The following DOCK1 variants were observed in gnomAD, a reference collection of about 807,000 sequenced individuals.
DOCK1 encodes dedicator of cytokinesis 1, also known as dedicator of cytokinesis protein 1.
A neutral mutation model predicts 262.7 loss-of-function variants in DOCK1; 138 were observed. The observed-to-expected ratio is 0.53, with a 90% CI of 0.46 to 0.61. The LOEUF is 0.61. Among genes scored for constraint, DOCK1 ranks in the 20% least tolerant of loss-of-function variants. The pLI, the probability that DOCK1 is intolerant of heterozygous loss-of-function variation, is 0.00. For synonymous variants in DOCK1, 866 were observed against 867.4 expected (o/e 1.00, Z 0.03); for missense variants, 1,908 against 2,370.7 (o/e 0.80, Z 4.05).
intron 1 of DOCK1, among the ~76,000 whole-genome samples, chr10:126,948,978 G>T (rs912589956): frequency 2.6e-5 from 4 of 152,082 alleles, no homozygotes; most frequent in African/African-American, 9.7e-5. Context: ...CAGTGGCCCG[G>T]GCCCACCCCC....
intron 1 of DOCK1, among the ~76,000 whole-genome samples, chr10:126,953,059 GGTA>G (rs1384859738): frequency 2.0e-5 from 3 of 151,604 alleles, no homozygotes; most frequent in Non-Finnish European, 2.9e-5. Flanking sequence ...TGGTAGTGGT[GGTA>G]GTATTTTTGG....
At chr10:127,326,055 A>G (rs1032963560) in intron 29 of DOCK1, among the ~76,000 whole-genome samples, 3 of 152,234 alleles carry the variant, frequency 2.0e-5, no homozygotes, top group Admixed American at 6.5e-5. Context: ...TTGTTAAACA[A>G]TGCTAACAAT....
chr10:127,080,309 TGG>T (rs1298160053), intron 23 of DOCK1, among the ~76,000 whole-genome samples: 1 of 152,140 alleles, frequency 6.6e-6, no homozygotes, highest in Non-Finnish European at 1.5e-5. Flanking sequence ...CATGCTAAGC[TGG>T]GTTGATAATT....
chr10:127,399,915 G>A (rs909695837), intron 38 of DOCK1, among the ~76,000 whole-genome samples: 1 of 152,148 alleles, frequency 6.6e-6, no homozygotes, highest in Non-Finnish European at 1.5e-5. Context: ...GAGGACATAC[G>A]AAAGACTTAG....
At chr10:126,925,564 A>T (rs1347203651) in intron 1 of DOCK1, among the ~76,000 whole-genome samples, 1 of 151,826 alleles carries the variant, frequency 6.6e-6, no homozygotes, top group Non-Finnish European at 1.5e-5. Context: ...TTGTGTTTTT[A>T]ATAGAGACGG....
At chr10:127,076,545 G>A (rs1021800415) in intron 23 of DOCK1, among the ~76,000 whole-genome samples, 2 of 152,172 alleles carry the variant, frequency 1.3e-5, no homozygotes, top group Non-Finnish European at 2.9e-5. Context: ...GGGTCGTGGC[G>A]TAAACCTTGG....
intron 23 of DOCK1, among the ~76,000 whole-genome samples, chr10:127,096,638 C>A (rs769013909): frequency 2.6e-4 from 39 of 151,720 alleles, no homozygotes; most frequent in Non-Finnish European, 4.9e-4. Context: ...GAACTTTATT[C>A]TAAAATAGCA....
At chr10:127,036,911 A>G (rs1336774137) in intron 18 of DOCK1, among the ~76,000 whole-genome samples, 2 of 145,192 alleles carry the variant, frequency 1.4e-5, no homozygotes, top group Non-Finnish European at 3.0e-5. Context: ...CAGGAGGCGG[A>G]GGTTGCAGTG....
chr10:127,193,555 A>G (rs150744268), intron 27 of DOCK1, among the ~76,000 whole-genome samples: 120 of 152,300 alleles, frequency 7.9e-4, no homozygotes, highest in Middle Eastern at 3.4e-3. Flanking sequence ...TCTAAATGAG[A>G]TAGCCATGGC....
Position 127,354,687 on chromosome 10 carries a change from A to T in DOCK1, c.3243A>T (p.Arg1081Ser). The change falls in exon 32 of 52, where the codon AGA becomes AGT. Residue 1081 changes from arginine (R) to serine (S), a missense_variant. Transcript: ENST00000623213. ...KILNKYGDMR[R>S]QIGFEIRDMW... ...TTTCCAGGTACGGAGATATGAGGAG[A>T]CAGATTGGCTTTGAAATCAGAGACA... The T allele has an allele frequency of 6.2e-7, 1 of 1,613,850 alleles. No homozygotes were observed.
At chr10:127,114,820 G>A (rs1014229272) in intron 25 of DOCK1, among the ~76,000 whole-genome samples, 2 of 146,988 alleles carry the variant, frequency 1.4e-5, no homozygotes, top group African/African-American at 2.5e-5. Context: ...GCAGTGGCAC[G>A]AACTTGGCTC....
At chr10:127,330,907 G>T (rs543328562) in intron 29 of DOCK1, among the ~76,000 whole-genome samples, 6 of 152,330 alleles carry the variant, frequency 3.9e-5, no homozygotes, top group African/African-American at 1.4e-4. Context: ...AAGGGTGGAG[G>T]TTTTGGCCCT....
In DOCK1 at chr10:127,100,877, G is replaced by A. The variant is rs2048197835; in HGVS notation, c.2446-5354G>A. Among the ~76,000 whole-genome samples the A allele has an allele frequency of 1.3e-5, 2 of 152,134 alleles. No homozygotes were observed. Among genetic ancestry groups the A allele is most frequent in the South Asian group, 4.1e-4 (2 of 4,828 alleles). ...AGGAGGGGTCGTGTGGGAAGTGGAC[G>A]CAGGCCTTGCCCACACTGTGGGGTA... On this transcript the variant is annotated intron_variant, in intron 23 of 51. Transcript: ENST00000623213. This position sits in a 1 kb window ranked among gnomAD's most constrained non-coding sequence, Gnocchi z 5.5.
At position 127,431,099 on chromosome 10, in the gene DOCK1, C is replaced by T. The variant is rs538500560; in HGVS notation, c.4915-2184C>T. On this transcript the variant is annotated intron_variant, in intron 47 of 51. Transcript: ENST00000623213. The stretch of plus-strand genomic sequence containing the variant: ...GAGGAAGCTGGGGCTCCGAGTGGCT[C>T]GGGGTTTTATGGAGGGTCACACCAT... 5.3e-5 allele frequency among the ~76,000 whole-genome samples: 8 copies of T among 152,212 alleles called. No individual in the cohort carries two copies. The South Asian group carries it at 1.5e-3, about 28-fold the overall frequency.
At chr10:126,934,845 G>A (rs1184072025) in intron 1 of DOCK1, among the ~76,000 whole-genome samples, 1 of 151,158 alleles carries the variant, frequency 6.6e-6, no homozygotes, top group Non-Finnish European at 1.5e-5. Flanking sequence ...GGCCGGGTGC[G>A]GTGGCTCACG....
At position 127,362,198 on chromosome 10, in the gene DOCK1, C is replaced by T. The variant is rs538272737; in HGVS notation, c.3418C>T (p.Arg1140Ter). 7.4e-6 allele frequency: 12 copies of T among 1,613,228 alleles called. No individual in the cohort carries two copies. The highest frequency in any genetic ancestry group is 4.4e-5 in the South Asian group (4 of 90,780). The part of the protein sequence containing the change: ...DMMQCEFHST[R>*]SFQMFENEII... Reference sequence around the variant, plus strand: ...GATGCAGTGTGAATTCCATTCGACCCGAAGCTTCCAAATGGTAAGGACGTA... The same window carrying T: ...GATGCAGTGTGAATTCCATTCGACCTGAAGCTTCCAAATGGTAAGGACGTA... Residue 1140 changes from arginine to a stop codon, truncating the protein, a stop_gained, in exon 33 of 52, where the codon CGA becomes TGA. Transcript: ENST00000623213. LOFTEE classifies it high-confidence loss of function.
At chr10:126,911,962 TGGCTTAACCAACAGGA>T (rs966337077) in intron 1 of DOCK1, among the ~76,000 whole-genome samples, 57 of 152,306 alleles carry the variant, frequency 3.7e-4, no homozygotes, top group Non-Finnish European at 6.2e-4. Context: ...CAAGACAGGG[TGGCTTAACCAACAGGA>T]CTGTGTTTCT....
intron 27 of DOCK1, among the ~76,000 whole-genome samples, chr10:127,177,913 T>A (rs1269233395): frequency 6.6e-6 from 1 of 152,198 alleles, no homozygotes; most frequent in African/African-American, 2.4e-5. Flanking sequence ...CATTTTTCGG[T>A]GTCACACAGG....
chr10:127,103,365 A>T (rs1195903070), intron 23 of DOCK1, among the ~76,000 whole-genome samples: 1 of 152,196 alleles, frequency 6.6e-6, no homozygotes, highest in Non-Finnish European at 1.5e-5. Flanking sequence ...GAGAAGGAGG[A>T]AACCTCATAT....
Sources: gnomAD v4.1 joint callset for allele counts (sites outside exome capture counted in the v4.1 genomes callset) on GRCh38, gnomAD v4.1.1 for gene constraint, Gnocchi (gnomAD v3.1) non-coding constraint, MANE v1.5 for transcripts, NCBI Gene and HGNC (gene_info 2026-07-23, HGNC 2026-07-21) for gene names.